Variants in EMILIN2 observed in about 807,000 individuals in gnomAD.
The protein encoded by EMILIN2 is elastin microfibril interfacer 2.
In EMILIN2, 71 loss-of-function variants were observed where a neutral mutation model predicts 87.1. The observed-to-expected ratio is 0.82, with a 90% CI of 0.67 to 0.99. The LOEUF is 0.99. Among genes scored for constraint, EMILIN2 ranks in the 50% least tolerant of loss-of-function variants. The pLI, the probability that EMILIN2 is intolerant of heterozygous loss-of-function variation, is 0.00. For synonymous variants in EMILIN2, 581 were observed against 563.4 expected (o/e 1.03, Z -0.44); for missense variants, 1,407 against 1,371.8 (o/e 1.03, Z -0.40).
At chr18:2,857,767 G>A (rs1013362834) in intron 2 of EMILIN2, among the ~76,000 whole-genome samples, 3 of 152,108 alleles carry the variant, frequency 2.0e-5, no homozygotes, top group Non-Finnish European at 2.9e-5. Context: ...TTGTGCTGAC[G>A]ATGCTCTGGC....
intron 2 of EMILIN2, among the ~76,000 whole-genome samples, chr18:2,870,137 A>G (rs1374517032): frequency 6.6e-6 from 1 of 152,128 alleles, no homozygotes; most frequent in Non-Finnish European, 1.5e-5. Flanking sequence ...GCTACTCAGG[A>G]GGCTGAGGTG....
At chr18:2,864,171 T>C (rs1437164321) in intron 2 of EMILIN2, among the ~76,000 whole-genome samples, 1 of 152,228 alleles carries the variant, frequency 6.6e-6, no homozygotes, top group Non-Finnish European at 1.5e-5. Context: ...TGACTCTTTA[T>C]CCAATTTGCC....
Position 2,847,955 on chromosome 18 carries a change from G to T in EMILIN2, c.257+24G>T. ...GTGTAAGTCCTGGAGCCGGGGAGCG[G>T]GCGGGGCGCGCCCGGGCCGGGGCGG... On this transcript the variant is annotated intron_variant, in intron 2 of 7. Coordinates refer to ENST00000254528, the MANE Select transcript of EMILIN2 (RefSeq NM_032048.3). This position sits in a 1 kb window ranked among gnomAD's most constrained non-coding sequence, Gnocchi z 4.5. 6.3e-7 allele frequency: 1 copy of T among 1,596,116 alleles called. No individual in the cohort carries two copies. The highest frequency in any genetic ancestry group is 1.1e-5 in the South Asian group (1 of 89,940).
At chr18:2,911,711 C>T (rs1238324479) in intron 7 of EMILIN2, among the ~76,000 whole-genome samples, 1 of 152,220 alleles carries the variant, frequency 6.6e-6, no homozygotes, top group Non-Finnish European at 1.5e-5. Context: ...GGTTCGTCTG[C>T]TTGGACAGGT....
chr18:2,854,487 A>AACACACAC (rs141620167), intron 2 of EMILIN2, among the ~76,000 whole-genome samples: 4 of 151,678 alleles, frequency 2.6e-5, no homozygotes, highest in African/African-American at 9.7e-5. Flanking sequence ...TGTGGCTTAA[A>AACACACAC]ACACACACAC....
chr18:2,889,692 C>CCT (rs2076823784), intron 3 of EMILIN2, among the ~76,000 whole-genome samples: 1 of 96,666 alleles, frequency 1.0e-5, no homozygotes, highest in African/African-American at 4.1e-5. Context: ...TTTTTCTTTT[C>CCT]TTTTTTTTTT....
chr18:2,862,660 G>A, intron 2 of EMILIN2, among the ~76,000 whole-genome samples: 1 of 152,178 alleles, frequency 6.6e-6, no homozygotes, highest in Non-Finnish European at 1.5e-5. Flanking sequence ...ATGTTCATCA[G>A]GGATATTGGT....
intron 4 of EMILIN2, among the ~76,000 whole-genome samples, chr18:2,900,831 G>T (rs1790982): frequency 6.6e-6 from 1 of 152,078 alleles, no homozygotes; most frequent in Non-Finnish European, 1.5e-5. Context: ...CCATCCATCC[G>T]CCTAGCATTC....
intron 4 of EMILIN2, among the ~76,000 whole-genome samples, chr18:2,903,339 G>T (rs2076896643): frequency 6.6e-6 from 1 of 152,266 alleles, no homozygotes; most frequent in South Asian, 2.1e-4. Context: ...GGCCGTCAGT[G>T]TCTTCTACAA....
intron 6 of EMILIN2, 31 bp from the exon 7 acceptor site, chr18:2,909,660 G>A: frequency 1.2e-6 from 2 of 1,611,638 alleles, no homozygotes; most frequent in East Asian, 4.5e-5. Flanking sequence ...AAGCACCCGG[G>A]TCAATCCATT....
rs2144075798 is a variant in EMILIN2, at chr18:2,909,618, TCA to T, written c.2696-72_2696-71del. 30 of 1,570,378 alleles carry T rather than the reference TCA, an allele frequency of 1.9e-5. No individual in the cohort carries two copies. The South Asian group carries it at 3.0e-4, about 16-fold the overall frequency. On this transcript the variant is annotated intron_variant, in intron 6 of 7. Coordinates refer to ENST00000254528, the MANE Select transcript of EMILIN2 (RefSeq NM_032048.3). The stretch of plus-strand genomic sequence containing the variant: ...GGCACCTGGGCCTGGCACGTAGGCC[TCA>T]GTTTTCCAGGCCCTCCCCCTGGAGG...
rs1364883502 is a variant in EMILIN2 at position 2,890,570 on chromosome 18, C to G, written c.443C>G (p.Pro148Arg). The change falls in exon 4 of 8, where the codon CCC becomes CGC. Residue 148 changes from proline (P) to arginine (R), a missense_variant. By Grantham distance (103) the Pro-to-Arg change is moderately radical (BLOSUM62 -2). Transcript: ENST00000254528. This position sits in a 1 kb window ranked among gnomAD's most constrained non-coding sequence, Gnocchi z 4.7. ...NSLKKATDNE[P>R]SQFSEPRKTL... ...TTTATCTTTGTAACAGATAATGAAC[C>G]CAGCCAATTCTCAGAGCCCAGGAAG... The G allele has an allele frequency of 1.9e-6, 3 of 1,565,204 alleles. No individual in the cohort carries two copies. Among genetic ancestry groups the G allele is most frequent in the African/African-American group, 2.7e-5 (2 of 73,020 alleles).
intron 3 of EMILIN2, among the ~76,000 whole-genome samples, chr18:2,888,673 C>A (rs1390137505): frequency 6.7e-6 from 1 of 148,648 alleles, no homozygotes; most frequent in African/African-American, 2.5e-5. Context: ...CGAGATAGCA[C>A]CACTGCACTC....
At chr18:2,909,929 C>A in intron 7 of EMILIN2, 110 bp downstream of exon 7, 1 of 1,463,758 alleles carries the variant, frequency 6.8e-7, no homozygotes. Context: ...TCAGGGAGGA[C>A]GCCACCCTGG....
chr18:2,859,076 G>A (rs2076647458), intron 2 of EMILIN2, among the ~76,000 whole-genome samples: 1 of 152,164 alleles, frequency 6.6e-6, no homozygotes, highest in Non-Finnish European at 1.5e-5. Context: ...TCTCTGGGTA[G>A]ATACCCGGTA....
intron 2 of EMILIN2, among the ~76,000 whole-genome samples, chr18:2,876,533 G>T (rs1017361229): frequency 1.8e-4 from 27 of 147,772 alleles, no homozygotes; most frequent in Admixed American, 6.7e-5. Context: ...TTGGGAGGCC[G>T]AGGTGGGTGG....
chr18:2,866,011 G>T (rs775329476), intron 2 of EMILIN2, among the ~76,000 whole-genome samples: 1 of 152,244 alleles, frequency 6.6e-6, no homozygotes, highest in African/African-American at 2.4e-5. Flanking sequence ...TTCCGAGCCT[G>T]GTGCGGGATA....
intron 2 of EMILIN2, among the ~76,000 whole-genome samples, chr18:2,857,316 A>G (rs2143959919): frequency 6.6e-6 from 1 of 152,166 alleles, no homozygotes; most frequent in Middle Eastern, 3.4e-3. Context: ...GTGATTGCAC[A>G]GGTTCTGCCT....
intron 3 of EMILIN2, among the ~76,000 whole-genome samples, chr18:2,889,888 G>A (rs550602126): frequency 1.3e-5 from 2 of 152,040 alleles, no homozygotes; most frequent in Non-Finnish European, 2.9e-5. Context: ...AGACGGTGCT[G>A]TTGCTAGGAG....
Sources: allele counts gnomAD v4.1 joint callset (sites outside exome capture counted in the v4.1 genomes callset), GRCh38; gene constraint gnomAD v4.1.1; non-coding constraint Gnocchi (gnomAD v3.1); transcripts MANE v1.5; gene names NCBI Gene and HGNC (gene_info 2026-07-23, HGNC 2026-07-21).